The following GNA14 variants were observed in gnomAD, a reference collection of about 807,000 sequenced individuals.
GNA14 encodes the protein G protein subunit alpha 14.
Under a neutral mutation model 42.0 loss-of-function variants are expected in GNA14, and 50 were observed. That is an observed-to-expected ratio of 1.19 (90% confidence interval 0.95 to 1.51). The LOEUF is 1.51. Among genes scored for constraint, GNA14 ranks in the 40% most tolerant of loss-of-function variants. GNA14 has a pLI of 0.00. For synonymous variants in GNA14, 173 were observed against 163.1 expected, an observed-to-expected ratio of 1.06 and a Z score of -0.46; for missense variants, 473 against 446.2, an observed-to-expected ratio of 1.06 and a Z score of -0.54.
At chr9:77,506,461 G>A (rs1401007538) in intron 2 of GNA14, among the ~76,000 whole-genome samples, 1 of 152,144 alleles carries the variant, frequency 6.6e-6, no homozygotes, top group African/African-American at 2.4e-5. Flanking sequence ...GGCAGATCAT[G>A]AGGTCAAGAG....
chr9:77,442,304 G>A (rs1254386833), intron 2 of GNA14, among the ~76,000 whole-genome samples: 1 of 152,164 alleles, frequency 6.6e-6, no homozygotes, highest in Non-Finnish European at 1.5e-5. Context: ...CCTGGGAGGT[G>A]GAGGTTGCAG....
intron 1 of GNA14, among the ~76,000 whole-genome samples, chr9:77,574,426 G>A (rs954334460): frequency 1.3e-5 from 2 of 152,116 alleles, no homozygotes; most frequent in Non-Finnish European, 2.9e-5. Flanking sequence ...GGTCTGGAGG[G>A]GTGATTAAAT....
chr9:77,591,339 T>G (rs1823388364), intron 1 of GNA14, among the ~76,000 whole-genome samples: 1 of 152,238 alleles, frequency 6.6e-6, no homozygotes, highest in African/African-American at 2.4e-5. Flanking sequence ...TCTTTGAGTA[T>G]CTGGTGTGAA....
intron 1 of GNA14, among the ~76,000 whole-genome samples, chr9:77,531,269 C>A (rs1040392310): frequency 1.3e-5 from 2 of 152,178 alleles, no homozygotes; most frequent in Admixed American, 6.5e-5. Context: ...AGCTTTCCCC[C>A]ATAGGTCTTA....
At chr9:77,486,008 G>T (rs1031247685) in intron 2 of GNA14, among the ~76,000 whole-genome samples, 1 of 152,160 alleles carries the variant, frequency 6.6e-6, no homozygotes, top group Non-Finnish European at 1.5e-5. Flanking sequence ...CCCCTAACAA[G>T]AGAGTCAGCC....
At chr9:77,547,649 C>T (rs1315511886) in intron 1 of GNA14, among the ~76,000 whole-genome samples, 1 of 151,928 alleles carries the variant, frequency 6.6e-6, no homozygotes, top group African/African-American at 2.4e-5. Flanking sequence ...TATTTTTTTT[C>T]TTGGCACTAA....
intron 1 of GNA14, among the ~76,000 whole-genome samples, chr9:77,646,828 G>A (rs931513184): frequency 2.0e-5 from 3 of 152,184 alleles, no homozygotes; most frequent in African/African-American, 7.2e-5. Flanking sequence ...GGCATAACTT[G>A]GGCAAACCTT....
intron 2 of GNA14, among the ~76,000 whole-genome samples, chr9:77,508,593 TTA>T (rs1450292509): frequency 1.3e-5 from 2 of 152,176 alleles, no homozygotes; most frequent in Non-Finnish European, 2.9e-5. Context: ...GAGTGTATGT[TTA>T]TGTTTCCCCA....
At chr9:77,476,272 T>C (rs747813983) in intron 2 of GNA14, among the ~76,000 whole-genome samples, 6 of 152,324 alleles carry the variant, frequency 3.9e-5, no homozygotes, top group Non-Finnish European at 8.8e-5. Flanking sequence ...ATTGCCTCTC[T>C]TGGTACGTTA....
chr9:77,601,830 T>C (rs1311780080), intron 1 of GNA14, among the ~76,000 whole-genome samples: 1 of 152,206 alleles, frequency 6.6e-6, no homozygotes, highest in Non-Finnish European at 1.5e-5. Context: ...TGATACTGTT[T>C]GTCTCTTAAG....
intron 1 of GNA14, among the ~76,000 whole-genome samples, chr9:77,581,858 G>T (rs991506944): frequency 6.6e-6 from 1 of 152,132 alleles, no homozygotes; most frequent in Admixed American, 6.5e-5. Context: ...AATAAATACA[G>T]GGAGGACGGG....
At chr9:77,608,827 GTCACTC>G (rs1823683487) in intron 1 of GNA14, among the ~76,000 whole-genome samples, 3 of 144,276 alleles carry the variant, frequency 2.1e-5, no homozygotes, top group Admixed American at 1.5e-4. Flanking sequence ...CCTTCTTTCA[GTCACTC>G]CTGTTTATTT....
intron 2 of GNA14, among the ~76,000 whole-genome samples, chr9:77,478,391 A>T (rs1261382001): frequency 1.7e-3 from 263 of 152,190 alleles, no homozygotes; most frequent in African/African-American, 6.1e-3. Flanking sequence ...TATTCCATGG[A>T]GTATATGTGC....
intron 2 of GNA14, among the ~76,000 whole-genome samples, chr9:77,504,430 A>G (rs1295005801): frequency 2.0e-5 from 3 of 152,032 alleles, no homozygotes; most frequent in Non-Finnish European, 4.4e-5. Context: ...AAAGCCAGAA[A>G]TGTTTGAAGA....
chr9:77,609,657 G>C (rs2117940980), intron 1 of GNA14, among the ~76,000 whole-genome samples: 1 of 152,270 alleles, frequency 6.6e-6, no homozygotes, highest in South Asian at 2.1e-4. Context: ...CAAGGTGCTG[G>C]TTGATTTGAT....
intron 1 of GNA14, among the ~76,000 whole-genome samples, chr9:77,530,267 C>A (rs1042374101): frequency 1.3e-5 from 2 of 152,108 alleles, no homozygotes; most frequent in Non-Finnish European, 2.9e-5. Context: ...AGAGTTCTTG[C>A]AAGATCTGGT....
At chr9:77,644,457 AAAAAAAAG>A (rs1824322662) in intron 1 of GNA14, among the ~76,000 whole-genome samples, 1 of 149,692 alleles carries the variant, frequency 6.7e-6, no homozygotes, top group African/African-American at 2.5e-5. Context: ...AAAAAAAAAA[AAAAAAAAG>A]ACACAGGAAT....
chr9:77,518,456 T>C (rs961286030), intron 2 of GNA14, among the ~76,000 whole-genome samples: 3 of 151,834 alleles, frequency 2.0e-5, no homozygotes, highest in Non-Finnish European at 2.9e-5. Context: ...AAAGCAGAGA[T>C]ACAGTGGGTG....
intron 1 of GNA14, among the ~76,000 whole-genome samples, chr9:77,642,921 C>T (rs1022364268): frequency 1.3e-5 from 2 of 152,172 alleles, no homozygotes; most frequent in African/African-American, 4.8e-5. Context: ...ATGTCTCACC[C>T]AAGCCCCCAT....
Sources: allele counts gnomAD v4.1 joint callset (sites outside exome capture counted in the v4.1 genomes callset), GRCh38; gene constraint gnomAD v4.1.1; transcripts MANE v1.5; gene names NCBI Gene and HGNC (gene_info 2026-07-23, HGNC 2026-07-21).